Variants in ZNF559 observed in about 807,000 individuals in gnomAD.
ZNF559 encodes the protein putative protein product of Nbla00121.
A neutral mutation model predicts 14.2 loss-of-function variants in ZNF559; 17 were observed. The observed-to-expected ratio is 1.20, with a 90% confidence interval of 0.82 to 1.80. ZNF559 has a LOEUF of 1.80. Among genes scored for constraint, ZNF559 ranks in the 40% most tolerant of loss-of-function variants. ZNF559 has a pLI of 0.00. For missense variants in ZNF559, 740 were observed against 629.7 expected, an observed-to-expected ratio of 1.18 and a Z score of -1.88; for synonymous variants, 244 against 212.4, an observed-to-expected ratio of 1.15 and a Z score of -1.29.
intron 4 of ZNF559, 122 bp downstream of exon 4, chr19:9,338,704 C>T: frequency 1.4e-6 from 1 of 707,384 alleles, no homozygotes; most frequent in African/African-American, 1.8e-5. Context: ...CCACATCTCT[C>T]ATCAAACTTC....
chr19:9,337,787 C>A lies in ZNF559; in HGVS notation c.-119-9C>A, dbSNP rs527771722. 3.0e-4 allele frequency: 430 copies of A among 1,432,688 alleles called. No homozygotes were observed. The highest frequency in any genetic ancestry group is 3.7e-4 in the Non-Finnish European group (401 of 1,096,496). The allele number at this position is 1,432,688 out of a possible 1,614,324, so 88.7% of individuals were successfully genotyped here. On this transcript the variant is annotated splice_polypyrimidine_tract_variant and intron_variant, in intron 2 of 6. Coordinates refer to ENST00000603380, the MANE Select transcript of ZNF559 (RefSeq NM_032497.3). The stretch of plus-strand genomic sequence containing the variant: ...GTGGCACTCACATGAACAACTTCAT[C>A]TTCTGCAGAGAGATGGCTAATGAAT...
rs138565169 is a variant in ZNF559, at chr19:9,338,291, A to G, written c.-56-203A>G. On this transcript the variant is annotated intron_variant, in intron 3 of 6. Transcript: ENST00000603380. ...AACTTCTCTGGACTTTGTATTCCTT[A>G]TAAAATGGGATTGTTAAACTCTCTC... Among the ~76,000 whole-genome samples, 458 of 152,240 alleles carry G rather than the reference A, an allele frequency of 3.0e-3. 1 individual carries two copies. Among genetic ancestry groups the G allele is most frequent in the African/African-American group, 0.01 (427 of 41,564 alleles).
At chr19:9,327,989 A>G (rs1160559697) in intron 2 of ZNF559, among the ~76,000 whole-genome samples, 2 of 152,204 alleles carry the variant, frequency 1.3e-5, no homozygotes, top group African/African-American at 2.4e-5. Context: ...GGTCTGTGTG[A>G]TAGGCCCACA....
rs2067340173 is a variant in ZNF559, at chr19:9,338,087, G to A, written c.-57+229G>A. The stretch of plus-strand genomic sequence containing the variant: ...CTGTGAACAGCTTGTCTTGTGATTA[G>A]GGTTTAGGGTCTAAGTGGCCCTGCT... On this transcript the variant is annotated intron_variant, in intron 3 of 6. Coordinates refer to ENST00000603380, the MANE Select transcript of ZNF559 (RefSeq NM_032497.3). 4 of 1,387,430 alleles carry A rather than the reference G, an allele frequency of 2.9e-6. No individual in the cohort carries two copies. The Admixed American group carries it at 7.9e-5, about 27-fold the overall frequency. 85.9% of individuals were successfully genotyped at this position (1,387,430 alleles called of 1,614,324 possible). A position where few individuals can be genotyped will look rare whatever the true frequency, so the allele number is the denominator to read the frequency against.
Position 9,343,725 on chromosome 19 carries a change from G to T in ZNF559, c.*657G>T. On this transcript the variant is annotated 3_prime_UTR_variant, in exon 7 of 7. Transcript: ENST00000603380. ...CCTGACTGTATGGAAGGTCAAAAAG[G>T]CTGTATTAATTTACATGCAAAAAGT... The T allele has an allele frequency of 2.0e-6, 2 of 986,014 alleles. No individual in the cohort carries two copies. Among genetic ancestry groups the T allele is most frequent in the Non-Finnish European group, 2.4e-6 (2 of 830,398 alleles). The allele number at this position is 986,014 out of a possible 1,614,324, so 61.1% of individuals were successfully genotyped here.
At chr19:9,338,064 G>A (rs969203143) in intron 3 of ZNF559, 2 of 1,493,278 alleles carry the variant, frequency 1.3e-6, no homozygotes, top group South Asian at 2.4e-5. Flanking sequence ...TAACCAGTCT[G>A]TGAACAGCTT....
chr19:9,344,601 A>G lies in ZNF559; in HGVS notation c.*1533A>G, dbSNP rs2067690343. On this transcript the variant is annotated 3_prime_UTR_variant, in exon 7 of 7. Transcript: ENST00000603380. Reference sequence around the variant, plus strand: ...GAGGCAGAGGTTGCAGTGAGCCCTGATCGTGCCACTACACTCTAGCCTGGG... The same window carrying G: ...GAGGCAGAGGTTGCAGTGAGCCCTGGTCGTGCCACTACACTCTAGCCTGGG... 1 of 152,114 alleles carries G rather than the reference A, an allele frequency of 6.6e-6. No individual in the cohort carries two copies. Among genetic ancestry groups the G allele is most frequent in the African/African-American group, 2.4e-5 (1 of 41,398 alleles). 9.4% of individuals were successfully genotyped at this position (152,114 alleles called of 1,614,324 possible).
intron 2 of ZNF559, among the ~76,000 whole-genome samples, chr19:9,333,753 A>C (rs903577460): frequency 8.3e-5 from 2 of 24,114 alleles, no homozygotes; most frequent in African/African-American, 2.9e-4. Flanking sequence ...GTAACTGACA[A>C]AAAAAAAAAG....
At position 9,338,547 on chromosome 19, in the gene ZNF559, A is replaced by G. The variant is rs781600480; in HGVS notation, c.-3A>G. The G allele has an allele frequency of 6.2e-7, 1 of 1,614,070 alleles. No individual in the cohort carries two copies. The highest frequency in any genetic ancestry group is 1.1e-5 in the South Asian group (1 of 91,082). On this transcript the variant is annotated 5_prime_UTR_variant, in exon 4 of 7. Transcript: ENST00000603380. ...TCATGAGTCAAAATTTGAAGAGGAA[A>G]GGATGGTGGCTGGGTGGTTGACAAA... is the stretch of plus-strand genomic sequence containing the variant.
intron 6 of ZNF559, chr19:9,341,397 A>G: frequency 2.6e-6 from 2 of 755,394 alleles, no homozygotes; most frequent in Non-Finnish European, 4.7e-6. Context: ...TTCCTTCAAC[A>G]TTCCCATATG....
At chr19:9,335,144 A>G (rs2067162647) in intron 2 of ZNF559, among the ~76,000 whole-genome samples, 1 of 151,874 alleles carries the variant, frequency 6.6e-6, no homozygotes, top group Non-Finnish European at 1.5e-5. Flanking sequence ...TCAAAAAAAA[A>G]AAAAAAAAAT....
intron 5 of ZNF559, among the ~76,000 whole-genome samples, 169 bp downstream of exon 5, chr19:9,339,488 T>A (rs990402669): frequency 7.2e-5 from 11 of 152,200 alleles, no homozygotes; most frequent in Non-Finnish European, 1.6e-4. Context: ...AAATTGAAGA[T>A]CTGTTCATTG....
chr19:9,342,176 A>C lies in ZNF559; in HGVS notation c.725A>C (p.Glu242Ala). 1 of 1,608,244 alleles carries C rather than the reference A, an allele frequency of 6.2e-7. No homozygotes were observed. Residue 242 changes from glutamate to alanine, a missense_variant, in exon 7 of 7, where the codon GAA (glutamate) becomes GCA (alanine). Physicochemically the swap from Glu to Ala is moderately radical, Grantham distance 107 (BLOSUM62 -1). Coordinates refer to ENST00000603380, the MANE Select transcript of ZNF559 (RefSeq NM_032497.3). ...MQTQDGEKFY[E>A]CKACGKPFTE... ...ACTCAAGATGGAGAAAAATTCTATG[A>C]ATGTAAAGCATGTGGGAAACCCTTC...
In ZNF559 at chr19:9,342,253, C is replaced by T; in HGVS notation, c.802C>T (p.Pro268Ser). ...TTTAAGAACTCATAGTAGAGTGTTACCTATAGAACATAAGAAATTTGGCAA... is the reference window on the plus strand; with the variant it reads ...TTTAAGAACTCATAGTAGAGTGTTATCTATAGAACATAAGAAATTTGGCAA... ...QHLRTHSRVL[P>S]IEHKKFGKAF... The change falls in exon 7 of 7, where the codon CCT becomes TCT. Residue 268 changes from proline to serine, a missense_variant. By Grantham distance (74) the Pro-to-Ser change is moderately conservative (BLOSUM62 -1). Transcript: ENST00000603380. The T allele has an allele frequency of 1.9e-6, 3 of 1,583,726 alleles. No homozygotes were observed. The highest frequency in any genetic ancestry group is 2.6e-6 in the Non-Finnish European group (3 of 1,169,638).
At chr19:9,340,428 T>C (rs59287182) in intron 5 of ZNF559, among the ~76,000 whole-genome samples, 2,199 of 152,174 alleles carry the variant, frequency 0.014, 52 homozygotes, top group African/African-American at 0.05. Context: ...TCTGTCTCAC[T>C]TCTCCTTTAA....
Position 9,342,069 on chromosome 19 carries a change from T to A in ZNF559, c.618T>A (p.Ile206=), listed in dbSNP as rs762977619. 3.7e-6 allele frequency: 6 copies of A among 1,610,868 alleles called. No individual in the cohort carries two copies. Among genetic ancestry groups the A allele is most frequent in the Non-Finnish European group, 5.1e-6 (6 of 1,179,064 alleles). ...CACACCTCAGAGAATGTGTAAGAAT[T>A]TATGGTGGAGAGAGACCATATACTC... ...SSSHLRECVR[I]YGGERPYTHK... The change falls in exon 7 of 7, where the codon ATT becomes ATA. Residue 206 remains isoleucine, a synonymous_variant. Transcript: ENST00000603380.
Position 9,324,422 on chromosome 19 carries a change from G to T in ZNF559, c.-206+194G>T. 3.5e-6 allele frequency: 5 copies of T among 1,443,260 alleles called. No individual in the cohort carries two copies. In the South Asian group the frequency reaches 5.9e-5, roughly 17 times the overall value. The allele number at this position is 1,443,260 out of a possible 1,614,324, so 89.4% of individuals were successfully genotyped here. A position where few individuals can be genotyped will look rare whatever the true frequency, so the allele number is the denominator to read the frequency against. ...ACAGTCAGGTCTGTCCTCAGGGGTC[G>T]AGGCGGCTGCGCTGGGGCCTCGGCC... On this transcript the variant is annotated intron_variant, in intron 1 of 6. Coordinates refer to ENST00000603380, the MANE Select transcript of ZNF559 (RefSeq NM_032497.3).
chr19:9,324,699 A>C lies in ZNF559; in HGVS notation c.-201A>C. The C allele has an allele frequency of 6.5e-7, 1 of 1,532,228 alleles. No individual in the cohort carries two copies. The highest frequency in any genetic ancestry group is 1.2e-5 in the South Asian group (1 of 83,902). 94.9% of individuals were successfully genotyped at this position (1,532,228 alleles called of 1,614,324 possible). A position where few individuals can be genotyped will look rare whatever the true frequency, so the allele number is the denominator to read the frequency against. ...GTTGTGCCTTTTCTCTATAAGGAAC[A>C]GCATCTCTGCCTTCCTGTTCACGGT... On this transcript the variant is annotated 5_prime_UTR_variant, in exon 2 of 7. Transcript: ENST00000603380.
At position 9,330,455 on chromosome 19, in the gene ZNF559, A is replaced by C. The variant is rs183031037; in HGVS notation, c.-120+5675A>C. On this transcript the variant is annotated intron_variant, in intron 2 of 6. Transcript: ENST00000603380. The stretch of plus-strand genomic sequence containing the variant: ...TGTAACTTCTTTAATGTTTCTGTTC[A>C]CTTGGCAGAGTTCCACAGGTTCTTT... 1.8e-4 allele frequency among the ~76,000 whole-genome samples: 27 copies of C among 152,072 alleles called. No homozygotes were observed. In the East Asian group the frequency reaches 5.2e-3, roughly 29 times the overall value.
Sources: gnomAD v4.1 joint callset for allele counts (sites outside exome capture counted in the v4.1 genomes callset) on GRCh38, gnomAD v4.1.1 for gene constraint, MANE v1.5 for transcripts, NCBI Gene and HGNC (gene_info 2026-07-23, HGNC 2026-07-21) for gene names.